CPSF2: variants seen among roughly 807,000 people sequenced by gnomAD.
The protein encoded by CPSF2 is cleavage and polyadenylation specificity factor subunit 2.
CPSF2 carries 51 observed loss-of-function variants against 84.2 expected under a neutral mutation model. The ratio of observed to expected loss-of-function variants is 0.61; its 90% CI spans 0.48 to 0.77. The LOEUF is 0.77. Ranked by LOEUF, CPSF2 falls within the 30% of genes least tolerant of loss-of-function variation. The probability of loss-of-function intolerance (pLI) is 0.00; values close to 1 mark genes in which losing one functional copy is unlikely to be tolerated. For missense variants in CPSF2, 641 were observed against 929.4 expected (o/e 0.69, Z 4.03); for synonymous variants, 286 against 311.9 (o/e 0.92, Z 0.87).
At position 92,167,017 on chromosome 14, in the gene CPSF2, T is replaced by TC. The variant is rs1247419260; in HGVS notation, c.*5273_*5274insC. On this transcript the variant is annotated 3_prime_UTR_variant, in exon 16 of 16. Coordinates refer to ENST00000298875, the MANE Select transcript of CPSF2 (RefSeq NM_017437.3). The stretch of plus-strand genomic sequence containing the variant: ...TGCTTATCGATTTCTTTTTTTTCTT[T>TC]TTTTTTTTTTTTGAGATAGCATCTT... 1 of 148,912 alleles carries TC rather than the reference T, an allele frequency of 6.7e-6. No individual in the cohort carries two copies. The highest frequency in any genetic ancestry group is 2.0e-4 in the East Asian group (1 of 5,094). The allele number at this position is 148,912 out of a possible 1,614,324, so 9.2% of individuals were successfully genotyped here. A position where few individuals can be genotyped will look rare whatever the true frequency, so the allele number is the denominator to read the frequency against.
At chr14:92,143,835 G>T (rs1651626506) in intron 9 of CPSF2, among the ~76,000 whole-genome samples, 1 of 152,098 alleles carries the variant, frequency 6.6e-6, no homozygotes, top group African/African-American at 2.4e-5. Flanking sequence ...GGTCTCAAAA[G>T]AAATTCTCAT....
intron 2 of CPSF2, among the ~76,000 whole-genome samples, chr14:92,130,298 G>T (rs1476297065): frequency 6.6e-6 from 1 of 152,024 alleles, no homozygotes; most frequent in East Asian, 1.9e-4. Context: ...GTTGGTGGGG[G>T]AGGGGGAGGG....
rs780580949 is a variant in CPSF2, at chr14:92,138,363, C to A, written c.661+16C>A. ...CAGCTTCTGAGTACGTATTCTTTCA[C>A]GTCCTTATTATTATTATTATTTTGT... On this transcript the variant is annotated intron_variant, in intron 7 of 15. Coordinates refer to ENST00000298875, the MANE Select transcript of CPSF2 (RefSeq NM_017437.3). 4 of 1,233,500 alleles carry A rather than the reference C, an allele frequency of 3.2e-6. No homozygotes were observed. Among genetic ancestry groups the A allele is most frequent in the African/African-American group, 3.1e-5 (2 of 64,002 alleles). The allele number at this position is 1,233,500 out of a possible 1,614,324, so 76.4% of individuals were successfully genotyped here.
Position 92,131,818 on chromosome 14 carries a change from G to A in CPSF2, c.149+685G>A, listed in dbSNP as rs139671098. Among the ~76,000 whole-genome samples, 533 of 151,306 alleles carry A rather than the reference G, an allele frequency of 3.5e-3. 5 individuals carry two copies. The highest frequency in any genetic ancestry group is 0.01 in the Middle Eastern group (3 of 294). The stretch of plus-strand genomic sequence containing the variant: ...CGTACCACTACACTCCAGCCTGGGC[G>A]CAAAGCAAGACTCTGTTTCAAAAAA... On this transcript the variant is annotated intron_variant, in intron 3 of 15. Coordinates refer to ENST00000298875, the MANE Select transcript of CPSF2 (RefSeq NM_017437.3).
At chr14:92,133,731 GC>G (rs1259329128) in intron 3 of CPSF2, among the ~76,000 whole-genome samples, 1 of 151,802 alleles carries the variant, frequency 6.6e-6, no homozygotes, top group African/African-American at 2.4e-5. Flanking sequence ...CTCCCTAAGT[GC>G]TGGGATTACA....
At chr14:92,153,866 CTT>C (rs767628179) in intron 9 of CPSF2, among the ~76,000 whole-genome samples, 39 of 121,612 alleles carry the variant, frequency 3.2e-4, no homozygotes, top group Admixed American at 5.0e-4. Flanking sequence ...CCACTCCTGG[CTT>C]TTTTTTTTTT....
intron 9 of CPSF2, among the ~76,000 whole-genome samples, chr14:92,150,741 G>T (rs1216027374): frequency 6.6e-6 from 1 of 152,122 alleles, no homozygotes; most frequent in African/African-American, 2.4e-5. Flanking sequence ...CCATTTTTAT[G>T]TGAAATAATG....
chr14:92,144,937 G>A (rs981639964), intron 9 of CPSF2, among the ~76,000 whole-genome samples: 3 of 152,056 alleles, frequency 2.0e-5, no homozygotes, highest in Admixed American at 2.0e-4. Flanking sequence ...ACCACTAAAT[G>A]TACTAACTTG....
At chr14:92,143,740 G>A (rs1159448969) in intron 9 of CPSF2, among the ~76,000 whole-genome samples, 2 of 152,056 alleles carry the variant, frequency 1.3e-5, no homozygotes, top group African/African-American at 4.8e-5. Flanking sequence ...TAAGTAGCTG[G>A]AACCATAGAC....
chr14:92,140,523 C>T (rs2069063334), intron 7 of CPSF2, among the ~76,000 whole-genome samples: 1 of 150,536 alleles, frequency 6.6e-6, no homozygotes, highest in South Asian at 2.1e-4. Flanking sequence ...ACCTCCACCT[C>T]CTGGGTTCAG....
Position 92,156,627 on chromosome 14 carries a change from A to C in CPSF2, c.1591A>C (p.Ile531Leu), listed in dbSNP as rs1275465194. The change falls in exon 12 of 16, where the codon ATA (isoleucine) becomes CTA (leucine). Residue 531 changes from isoleucine to leucine, a missense_variant. Coordinates refer to ENST00000298875, the MANE Select transcript of CPSF2 (RefSeq NM_017437.3). ...KCISTTESIE[I>L]KARVTYIDYE... ...TATTTCTACAACAGAGTCTATTGAA[A>C]TAAAGTAAGTGCTTTTGTGACATTT... The C allele has an allele frequency of 6.4e-7, 1 of 1,550,946 alleles. No homozygotes were observed. The highest frequency in any genetic ancestry group is 1.4e-5 in the African/African-American group (1 of 73,076).
chr14:92,138,018 C>T (rs1324839504), intron 6 of CPSF2, among the ~76,000 whole-genome samples: 1 of 152,070 alleles, frequency 6.6e-6, no homozygotes, highest in Non-Finnish European at 1.5e-5. Context: ...AATATTATGT[C>T]AGTTATCTCT....
rs1042811923 is a variant in CPSF2 at position 92,170,244 on chromosome 14, A to G, written c.*8500A>G. 1 of 152,222 alleles carries G rather than the reference A, an allele frequency of 6.6e-6. No homozygotes were observed. Among genetic ancestry groups the G allele is most frequent in the Non-Finnish European group, 1.5e-5 (1 of 68,048 alleles). 9.4% of individuals were successfully genotyped at this position (152,222 alleles called of 1,614,324 possible). On this transcript the variant is annotated 3_prime_UTR_variant, in exon 16 of 16. Transcript: ENST00000298875. Reference sequence around the variant, plus strand: ...ACTTACAGAAAAGTAGAATAGTTCAAAAGATCCTGTATATCCTTCCCCTAG... The same window carrying G: ...ACTTACAGAAAAGTAGAATAGTTCAGAAGATCCTGTATATCCTTCCCCTAG...
At position 92,155,247 on chromosome 14, in the gene CPSF2, CA is replaced by C. The variant is rs773899442; in HGVS notation, c.1367del (p.Gln456ArgfsTer31). Reference sequence around the variant, plus strand: ...CAGTCGTAAAGGAAGTTTTTTCAAACAGGCAAAAAAGTCCTATCCTATGTTT... The same window carrying C: ...CAGTCGTAAAGGAAGTTTTTTCAAACGGCAAAAAAGTCCTATCCTATGTTT... ...EGSRKGSFFKQAKKSYPMFPA... is the reference protein window; with the variant it reads ...EGSRKGSFFKXAKKSYPMFPA... On this transcript the variant is annotated frameshift_variant, in exon 11 of 16. Transcript: ENST00000298875. LOFTEE classifies it high-confidence loss of function. The C allele has an allele frequency of 6.2e-7, 1 of 1,613,922 alleles. No individual in the cohort carries two copies. Among genetic ancestry groups the C allele is most frequent in the South Asian group, 1.1e-5 (1 of 91,080 alleles).
In CPSF2 at chr14:92,162,310, G is replaced by A. The variant is rs2069385541; in HGVS notation, c.*566G>A. On this transcript the variant is annotated 3_prime_UTR_variant, in exon 16 of 16. Transcript: ENST00000298875. Reference sequence around the variant, plus strand: ...CTGTATTTCCCAGTGATTTACTCTAGGGTAAGGTAGTACACATTTGGTTCA... The same window carrying A: ...CTGTATTTCCCAGTGATTTACTCTAAGGTAAGGTAGTACACATTTGGTTCA... 2 of 152,556 alleles carry A rather than the reference G, an allele frequency of 1.3e-5. No homozygotes were observed. Among genetic ancestry groups the A allele is most frequent in the Admixed American group, 1.3e-4 (2 of 15,254 alleles). 9.5% of individuals were successfully genotyped at this position (152,556 alleles called of 1,614,324 possible).
chr14:92,142,149 ATTC>A lies in CPSF2; in HGVS notation c.662-12_662-10del. 6.3e-7 allele frequency: 1 copy of A among 1,577,210 alleles called. No homozygotes were observed. Among genetic ancestry groups the A allele is most frequent in the Non-Finnish European group, 8.6e-7 (1 of 1,156,958 alleles). Reference sequence around the variant, plus strand: ...TTGTTACGTTCTATGGGGATTTTACATTCTTGTTTTCTAGCAAATGTCCTGGAA... The same window carrying A: ...TTGTTACGTTCTATGGGGATTTTACATTGTTTTCTAGCAAATGTCCTGGAA... On this transcript the variant is annotated splice_polypyrimidine_tract_variant and intron_variant, in intron 7 of 15. Transcript: ENST00000298875.
intron 9 of CPSF2, among the ~76,000 whole-genome samples, chr14:92,146,867 T>G (rs1446441032): frequency 6.6e-6 from 1 of 152,214 alleles, no homozygotes; most frequent in Non-Finnish European, 1.5e-5. Context: ...TGCATCAGGA[T>G]CTTTGTACTA....
At chr14:92,129,702 A>T (rs894816641) in intron 2 of CPSF2, among the ~76,000 whole-genome samples, 24 of 152,278 alleles carry the variant, frequency 1.6e-4, no homozygotes, top group African/African-American at 5.3e-4. Flanking sequence ...TCCCATTTTT[A>T]AAAAATGTAT....
chr14:92,145,920 A>G (rs541453503), intron 9 of CPSF2, among the ~76,000 whole-genome samples: 1 of 152,198 alleles, frequency 6.6e-6, no homozygotes, highest in Non-Finnish European at 1.5e-5. Context: ...TATCCCTCCT[A>G]TCTTCATTAT....
Sources: allele counts gnomAD v4.1 joint callset (sites outside exome capture counted in the v4.1 genomes callset), GRCh38; gene constraint gnomAD v4.1.1; transcripts MANE v1.5; gene names NCBI Gene and HGNC (gene_info 2026-07-23, HGNC 2026-07-21).